Variants in ISM2 observed in about 807,000 individuals in gnomAD.
The protein encoded by ISM2 is isthmin-2.
In ISM2, 50 loss-of-function variants were observed where a neutral mutation model predicts 58.0. That is an observed-to-expected ratio of 0.86 (90% CI 0.69 to 1.09). The LOEUF is 1.09. ISM2 is among the 50% of genes least tolerant of loss of function. The probability of loss-of-function intolerance (pLI) is 0.00; values close to 1 mark genes in which losing one functional copy is unlikely to be tolerated. For synonymous variants in ISM2, 303 were observed against 312.4 expected, an observed-to-expected ratio of 0.97 and a Z score of 0.32; for missense variants, 723 against 745.0, an observed-to-expected ratio of 0.97 and a Z score of 0.34.
At chr14:77,498,292 G>T (rs1214367532) in intron 1 of ISM2, 2 of 1,336,614 alleles carry the variant, frequency 1.5e-6, no homozygotes, top group Non-Finnish European at 9.8e-7. Context: ...GCACCGGCGG[G>T]ACTCCTCTCC....
intron 4 of ISM2, among the ~76,000 whole-genome samples, chr14:77,479,533 G>A (rs1042753795): frequency 1.6e-4 from 25 of 152,020 alleles, no homozygotes; most frequent in African/African-American, 4.3e-4. Flanking sequence ...ACAGGTGCCC[G>A]CCACCACACC....
Position 77,487,290 on chromosome 14 carries a change from A to G in ISM2, c.142-2371T>C, listed in dbSNP as rs1000115658. Among the ~76,000 whole-genome samples, 4 of 152,006 alleles carry G rather than the reference A, an allele frequency of 2.6e-5. No homozygotes were observed. In the East Asian group the frequency reaches 7.7e-4, roughly 29 times the overall value. On this transcript the variant is annotated intron_variant, in intron 1 of 6. Transcript: ENST00000342219. The stretch of plus-strand genomic sequence containing the variant: ...AAATAAATAAATAAATAATAAAAAG[A>G]AAAGAAAAGCAAGCATGCTGTAGAT...
Position 77,476,163 on chromosome 14 carries a change from C to T in ISM2, c.1199-51G>A, listed in dbSNP as rs3742731. ...GGGAAGCCAGTGACAGAGCCAGGCC[C>T]GTGTGGGGCGGGGACTGATTAAGGG... On this transcript the variant is annotated intron_variant, in intron 6 of 6. Transcript: ENST00000342219. 130,218 of 1,494,440 alleles carry T rather than the reference C, an allele frequency of 0.087. 6,484 individuals carry two copies. Among genetic ancestry groups the T allele is most frequent in the Admixed American group, 0.18 (8,124 of 44,216 alleles). The allele number at this position is 1,494,440 out of a possible 1,614,324, so 92.6% of individuals were successfully genotyped here.
intron 1 of ISM2, among the ~76,000 whole-genome samples, chr14:77,492,257 AGGTGGTG>A (rs1175416406): frequency 1.3e-5 from 2 of 152,070 alleles, no homozygotes; most frequent in Non-Finnish European, 2.9e-5. Context: ...CCTGCCAGGG[AGGTGGTG>A]GGTGCCAGGT....
chr14:77,486,902 C>T (rs1280653423), intron 1 of ISM2, among the ~76,000 whole-genome samples: 1 of 151,304 alleles, frequency 6.6e-6, no homozygotes, highest in Admixed American at 6.6e-5. Context: ...CAAGGCCATC[C>T]CACAAGAATC....
chr14:77,494,086 T>G (rs1364447688), intron 1 of ISM2, among the ~76,000 whole-genome samples: 1 of 152,140 alleles, frequency 6.6e-6, no homozygotes, highest in African/African-American at 2.4e-5. Flanking sequence ...CCTGTGATTC[T>G]TTTCAAGACT....
chr14:77,488,506 G>T (rs1397121113), intron 1 of ISM2, among the ~76,000 whole-genome samples: 1 of 152,212 alleles, frequency 6.6e-6, no homozygotes, highest in Non-Finnish European at 1.5e-5. Context: ...TGGTGGAAAT[G>T]AGTTCAGGCT....
intron 3 of ISM2, 88 bp from the exon 4 acceptor site, chr14:77,482,755 GTGAGAGGCCCAACC>G: frequency 1.2e-6 from 1 of 806,066 alleles, no homozygotes; most frequent in South Asian, 1.9e-5. Flanking sequence ...AGGGTCAGAG[GTGAGAGGCCCAACC>G]TTTCCTTCAA....
At chr14:77,476,894 C>T (rs1249266790) in intron 6 of ISM2, among the ~76,000 whole-genome samples, 1 of 152,130 alleles carries the variant, frequency 6.6e-6, no homozygotes, top group Non-Finnish European at 1.5e-5. Flanking sequence ...AGAAATTAGC[C>T]GGGCTTGGTG....
In ISM2 at chr14:77,476,096, C is replaced by T. The variant is rs1449952574; in HGVS notation, c.1215G>A (p.Glu405=). ...AGTCGCTCTTGCAGTTCAGCCACTT[C>T]TCACAGCTGTCCACATCTGCAAAGG... The part of the protein sequence containing the change: ...DMHDQDVDSC[E]KWLNCKSDFL... Residue 405 remains glutamate, a synonymous_variant, in exon 7 of 7, where the codon GAG becomes GAA. Transcript: ENST00000342219. The T allele has an allele frequency of 1.3e-6, 2 of 1,523,320 alleles. No homozygotes were observed. The highest frequency in any genetic ancestry group is 2.3e-5 in the East Asian group (1 of 44,086). 94.4% of individuals were successfully genotyped at this position (1,523,320 alleles called of 1,614,324 possible).
intron 1 of ISM2, 112 bp downstream of exon 1, chr14:77,498,541 G>C (rs1385863460): frequency 7.3e-7 from 1 of 1,376,748 alleles, no homozygotes; most frequent in Non-Finnish European, 9.6e-7. Flanking sequence ...CTCTCCATCG[G>C]GGGGTCGCTG....
At chr14:77,495,367 T>G (rs933399581) in intron 1 of ISM2, among the ~76,000 whole-genome samples, 3 of 152,230 alleles carry the variant, frequency 2.0e-5, no homozygotes, top group African/African-American at 7.2e-5. Context: ...GATATGATTT[T>G]GGCTCTGAAA....
chr14:77,489,091 C>T (rs889136587), intron 1 of ISM2, among the ~76,000 whole-genome samples: 1 of 152,164 alleles, frequency 6.6e-6, no homozygotes, highest in Non-Finnish European at 1.5e-5. Context: ...AGCCCCTGAC[C>T]CACGTGTTTC....
At chr14:77,498,361 C>A in intron 1 of ISM2, 2 of 1,403,830 alleles carry the variant, frequency 1.4e-6, no homozygotes, top group South Asian at 1.3e-5. Context: ...GCGAGGAAGC[C>A]CGGCCACCGT....
chr14:77,482,323 G>T lies in ISM2; in HGVS notation c.972C>A (p.Tyr324Ter), dbSNP rs768822113. ...GGATGCCAAGATGGGGGTGCTCACC[G>T]TAGCTGACAGAATCCTTGAAGACCC... is the stretch of plus-strand genomic sequence containing the variant. ...GDWVFKDSVS[Y>*]DYEPQKEWSP... is the part of the protein sequence containing the mutation. Residue 324 changes from tyrosine to a stop codon, truncating the protein, a stop_gained and splice_region_variant, in exon 4 of 7, where the codon TAC becomes TAA. Coordinates refer to ENST00000342219, the MANE Select transcript of ISM2 (RefSeq NM_199296.3). LOFTEE classifies it high-confidence loss of function. 3 of 1,610,388 alleles carry T rather than the reference G, an allele frequency of 1.9e-6. No homozygotes were observed. Among genetic ancestry groups the T allele is most frequent in the Non-Finnish European group, 2.5e-6 (3 of 1,178,000 alleles).
Position 77,484,421 on chromosome 14 carries a change from G to A in ISM2, c.529C>T (p.Pro177Ser). 1.2e-6 allele frequency: 2 copies of A among 1,613,106 alleles called. No individual in the cohort carries two copies. The highest frequency in any genetic ancestry group is 1.7e-6 in the Non-Finnish European group (2 of 1,179,658). Reference sequence around the variant, plus strand: ...GGAGTAACCTCCTGGGTCCTGGGAGGCGTGGCATTCCCTGGGGTCAGGGCT... The same window carrying A: ...GGAGTAACCTCCTGGGTCCTGGGAGACGTGGCATTCCCTGGGGTCAGGGCT... ...PAALTPGNAT[P>S]PRTQEVTPLL... is the part of the protein sequence containing the mutation. Residue 177 changes from proline to serine, a missense_variant, in exon 3 of 7, where the codon CCT becomes TCT. Physicochemically the swap from Pro to Ser is moderately conservative, Grantham distance 74. Coordinates refer to ENST00000342219, the MANE Select transcript of ISM2 (RefSeq NM_199296.3).
chr14:77,484,970 G>A (rs1323258631), intron 1 of ISM2, 51 bp from the exon 2 acceptor site: 1 of 1,516,340 alleles, frequency 6.6e-7, no homozygotes, highest in Non-Finnish European at 8.8e-7. Context: ...TCACCCCACG[G>A]GGATCCGGAA....
chr14:77,491,136 G>A (rs2079201091), intron 1 of ISM2, among the ~76,000 whole-genome samples: 1 of 152,244 alleles, frequency 6.6e-6, no homozygotes, highest in African/African-American at 2.4e-5. Context: ...CCAGGCAACT[G>A]GCTGGACAAT....
chr14:77,497,983 C>T (rs1202420564), intron 1 of ISM2, among the ~76,000 whole-genome samples: 1 of 152,212 alleles, frequency 6.6e-6, no homozygotes, highest in African/African-American at 2.4e-5. Context: ...TGGGAATGAA[C>T]GTCCGCTGCA....
Sources: allele counts gnomAD v4.1 joint callset (sites outside exome capture counted in the v4.1 genomes callset), GRCh38; gene constraint gnomAD v4.1.1; transcripts MANE v1.5; gene names NCBI Gene and HGNC (gene_info 2026-07-23, HGNC 2026-07-21).